Variants in AFG2A observed in about 807,000 individuals in gnomAD.
AFG2A encodes the protein AAA ATPase AFG2A, also known as ATPase family gene 2 protein homolog A.
the AFG2A span, among the ~76,000 whole-genome samples, chr4:123,033,820 T>G: frequency 6.6e-6 from 1 of 152,194 alleles, no homozygotes; most frequent in East Asian, 1.9e-4. Context: ...TCCAGAAAAG[T>G]ATAACATTTG....
the AFG2A span, among the ~76,000 whole-genome samples, chr4:122,982,039 T>C: frequency 6.6e-6 from 1 of 152,134 alleles, no homozygotes; most frequent in Admixed American, 6.6e-5. Flanking sequence ...CAGTACTATA[T>C]TAAATAGAAG....
chr4:123,197,136 C>T, the AFG2A span, among the ~76,000 whole-genome samples: 10 of 152,256 alleles, frequency 6.6e-5, no homozygotes, highest in East Asian at 5.8e-4. Flanking sequence ...CCTAAGTTTA[C>T]GGTAAGGAGC....
At chr4:123,301,995 G>A in the AFG2A span, among the ~76,000 whole-genome samples, 1 of 152,144 alleles carries the variant, frequency 6.6e-6, no homozygotes, top group Non-Finnish European at 1.5e-5. Context: ...AAACTACAGA[G>A]TTTCACAGGA....
At chr4:122,944,961 A>C in the AFG2A span, among the ~76,000 whole-genome samples, 3 of 152,246 alleles carry the variant, frequency 2.0e-5, no homozygotes, top group East Asian at 5.8e-4. Flanking sequence ...GATTTTCCTG[A>C]ACCGCGAATG....
chr4:122,958,399 C>T, the AFG2A span, among the ~76,000 whole-genome samples: 1 of 152,162 alleles, frequency 6.6e-6, no homozygotes, highest in Non-Finnish European at 1.5e-5. Flanking sequence ...GTAGTTAAGG[C>T]ATCTTGACCA....
chr4:122,923,632 G>A, the AFG2A span, among the ~76,000 whole-genome samples: 1 of 152,130 alleles, frequency 6.6e-6, no homozygotes, highest in Non-Finnish European at 1.5e-5. Flanking sequence ...CATAACTAGC[G>A]AACATGGGAT....
chr4:123,073,039 C>T, the AFG2A span, among the ~76,000 whole-genome samples: 1 of 152,070 alleles, frequency 6.6e-6, no homozygotes, highest in African/African-American at 2.4e-5. Context: ...ACATATTTGA[C>T]ACTTTTTGTG....
chr4:123,126,782 T>G, the AFG2A span, among the ~76,000 whole-genome samples: 1 of 152,234 alleles, frequency 6.6e-6, no homozygotes, highest in African/African-American at 2.4e-5. Flanking sequence ...ATGAGTCAAT[T>G]AAACTTTTTT....
At chr4:123,260,510 T>C in the AFG2A span, among the ~76,000 whole-genome samples, 3 of 152,356 alleles carry the variant, frequency 2.0e-5, no homozygotes, top group East Asian at 5.8e-4. Flanking sequence ...CTTAAATTAC[T>C]TTTCTGTCTC....
the AFG2A span, among the ~76,000 whole-genome samples, chr4:122,955,169 G>A: frequency 6.6e-6 from 1 of 152,158 alleles, no homozygotes; most frequent in Non-Finnish European, 1.5e-5. Context: ...GTCCAGTGGT[G>A]GTGGACTAGA....
At chr4:123,002,994 T>G in the AFG2A span, among the ~76,000 whole-genome samples, 1 of 152,114 alleles carries the variant, frequency 6.6e-6, no homozygotes, top group Admixed American at 6.5e-5. Flanking sequence ...CTTGGAGGCT[T>G]TGTTCATTTC....
the AFG2A span, among the ~76,000 whole-genome samples, chr4:123,180,381 G>A: frequency 6.6e-6 from 1 of 152,224 alleles, no homozygotes; most frequent in East Asian, 1.9e-4. Flanking sequence ...TGGTACATAT[G>A]TTACTTAAAA....
the AFG2A span, among the ~76,000 whole-genome samples, chr4:123,290,633 G>A: frequency 1.3e-5 from 2 of 152,206 alleles, no homozygotes; most frequent in Admixed American, 6.5e-5. Context: ...TGGAAGGCAA[G>A]GAGGAGCAAT....
chr4:123,314,149 A>AT, the AFG2A span: 1 of 1,210,000 alleles, frequency 8.3e-7, no homozygotes, highest in South Asian at 2.1e-5. Context: ...GTTAAAAAAA[A>AT]TTTTACTAGG....
the AFG2A span, among the ~76,000 whole-genome samples, chr4:122,939,509 A>G: frequency 7.9e-5 from 12 of 152,210 alleles, no homozygotes; most frequent in Admixed American, 2.0e-4. Context: ...AGAAAAATAC[A>G]CTTTTCATGC....
At chr4:122,960,275 T>A in the AFG2A span, among the ~76,000 whole-genome samples, 1 of 152,206 alleles carries the variant, frequency 6.6e-6, no homozygotes. Flanking sequence ...TTATAATGTT[T>A]TAAATTAACA....
At chr4:123,165,097 A>G in the AFG2A span, among the ~76,000 whole-genome samples, 1 of 152,162 alleles carries the variant, frequency 6.6e-6, no homozygotes, top group Non-Finnish European at 1.5e-5. Flanking sequence ...CTTTGGCTTT[A>G]CAAAAATTCC....
chr4:123,074,467 G>C, the AFG2A span, among the ~76,000 whole-genome samples: 1 of 78,296 alleles, frequency 1.3e-5, no homozygotes, highest in Non-Finnish European at 2.9e-5. Context: ...TTGTCACTTT[G>C]TGTATTCATT....
At chr4:122,979,270 A>C in the AFG2A span, 1 of 1,614,224 alleles carries the variant, frequency 6.2e-7, no homozygotes, top group Non-Finnish European at 8.5e-7. Context: ...AAAACAGCCT[A>C]ACCTCCCTGA....
Sources: allele counts gnomAD v4.1 joint callset (sites outside exome capture counted in the v4.1 genomes callset), GRCh38; gene constraint gnomAD v4.1.1; transcripts MANE v1.5; gene names NCBI Gene and HGNC (gene_info 2026-07-23, HGNC 2026-07-21).